Variants in RAI2 observed in about 807,000 individuals in gnomAD.
The protein encoded by RAI2 is retinoic acid-induced protein 2.
A neutral mutation model predicts 15.3 loss-of-function variants in RAI2; 5 were observed. That is an observed-to-expected ratio of 0.33 (90% CI 0.17 to 0.69). RAI2 has a LOEUF of 0.69. RAI2 is among the 30% of genes least tolerant of loss of function. RAI2 has a pLI of 0.69. For synonymous variants in RAI2, 191 were observed against 184.0 expected (o/e 1.04, Z -0.31); for missense variants, 424 against 424.7 (o/e 1.00, Z 0.01).
Position 17,801,709 on chromosome X carries a change from G to C in RAI2, c.302C>G (p.Ala101Gly). 1 of 1,211,966 alleles carries C rather than the reference G, an allele frequency of 8.3e-7. No individual in the cohort carries two copies. The highest frequency in any genetic ancestry group is 1.1e-6 in the Non-Finnish European group (1 of 895,563). ...ATTGCCATTCGGATTGAGCTCTGGT[G>C]CGGAGCTTCCCTCCACCTGCATGTG... ...PIHMQVEGSS[A>G]PELNPNGNAT... Residue 101 changes from alanine to glycine, a missense_variant, in exon 2 of 2, where the codon GCA becomes GGA. Coordinates refer to ENST00000451717, the MANE Select transcript of RAI2 (RefSeq NM_021785.6).
At chrX:17,806,030 G>A (rs776491088) in intron 1 of RAI2, among the ~76,000 whole-genome samples, 1 of 112,391 alleles carries the variant, frequency 8.9e-6, no homozygotes, top group South Asian at 3.8e-4. Flanking sequence ...GGTGGTCTGG[G>A]TGCATCCAGT....
chrX:17,850,363 A>G (rs960827194), intron 1 of RAI2, among the ~76,000 whole-genome samples: 2 of 112,069 alleles, frequency 1.8e-5, no homozygotes, highest in African/African-American at 6.5e-5. Flanking sequence ...ATGGCTGAGG[A>G]GAGGGTGAAG....
chrX:17,800,712 C>T lies in RAI2; in HGVS notation c.1299G>A (p.Glu433=), dbSNP rs752609585. The T allele has an allele frequency of 1.4e-5, 17 of 1,209,727 alleles. No homozygotes were observed. Among genetic ancestry groups the T allele is most frequent in the Non-Finnish European group, 1.8e-5 (16 of 895,242 alleles). ...AGACAATGACCTTGGCCGCCTGGGA[C>T]TCGCCCACCATCTCAATGTTATTTT... ...KAENNIEMVG[E]SQAAKVIVSV... is the part of the protein sequence containing the mutation. Residue 433 remains glutamate (E), a synonymous_variant, in exon 2 of 2, where the codon GAG becomes GAA. Coordinates refer to ENST00000451717, the MANE Select transcript of RAI2 (RefSeq NM_021785.6).
chrX:17,842,057 A>G (rs959369073), intron 1 of RAI2, among the ~76,000 whole-genome samples: 2 of 112,281 alleles, frequency 1.8e-5, no homozygotes, highest in Non-Finnish European at 3.8e-5. Flanking sequence ...GGCATCTTGC[A>G]TACTTGTCAC....
chrX:17,850,754 T>C (rs2067522480), intron 1 of RAI2, among the ~76,000 whole-genome samples: 1 of 112,330 alleles, frequency 8.9e-6, no homozygotes, highest in Non-Finnish European at 1.9e-5. Context: ...GGATCCAATA[T>C]GAGTTAGAAA....
chrX:17,814,026 C>T (rs2067078174), intron 1 of RAI2, among the ~76,000 whole-genome samples: 1 of 111,597 alleles, frequency 9.0e-6, no homozygotes, highest in African/African-American at 3.3e-5. Context: ...GCTTGGGCTC[C>T]CCCACAAACA....
At chrX:17,842,653 AG>A (rs1247411688) in intron 1 of RAI2, among the ~76,000 whole-genome samples, 1 of 102,837 alleles carries the variant, frequency 9.7e-6, no homozygotes, top group Non-Finnish European at 2.0e-5. Context: ...ATATATGTAT[AG>A]GAAAAAAAAA....
intron 1 of RAI2, among the ~76,000 whole-genome samples, chrX:17,825,999 T>A (rs904785795): frequency 1.4e-4 from 16 of 112,353 alleles, no homozygotes; most frequent in African/African-American, 5.2e-4. Flanking sequence ...GACTATTCCC[T>A]CCTTCTTTTA....
chrX:17,809,532 TTTTA>T (rs1479499074), intron 1 of RAI2, among the ~76,000 whole-genome samples: 2 of 112,215 alleles, frequency 1.8e-5, no homozygotes, highest in Admixed American at 9.4e-5. Context: ...AATTCCTGTT[TTTTA>T]TTTTATAGTG....
At chrX:17,841,473 T>C (rs1325547659) in intron 1 of RAI2, among the ~76,000 whole-genome samples, 2 of 112,442 alleles carry the variant, frequency 1.8e-5, no homozygotes, top group Non-Finnish European at 3.8e-5. Flanking sequence ...AACCAGTACT[T>C]ATATGTCTGT....
intron 1 of RAI2, among the ~76,000 whole-genome samples, chrX:17,859,402 C>A (rs892097609): frequency 8.9e-6 from 1 of 111,952 alleles, no homozygotes; most frequent in African/African-American, 3.3e-5. Context: ...TCCCTGCTGG[C>A]TGCTTTTCTC....
chrX:17,822,112 C>G (rs746481845), intron 1 of RAI2, among the ~76,000 whole-genome samples: 30 of 111,911 alleles, frequency 2.7e-4, no homozygotes, highest in African/African-American at 9.7e-4. Flanking sequence ...TCTTAGAAAT[C>G]TGAGTTGGGT....
intron 1 of RAI2, among the ~76,000 whole-genome samples, chrX:17,805,093 AG>A (rs2066962394): frequency 8.9e-6 from 1 of 112,673 alleles, no homozygotes; most frequent in African/African-American, 3.2e-5. Context: ...CTGATTCCAC[AG>A]GGAGATTAAA....
intron 1 of RAI2, among the ~76,000 whole-genome samples, chrX:17,825,849 A>G (rs894525663): frequency 8.0e-5 from 9 of 112,357 alleles, no homozygotes; most frequent in Admixed American, 7.5e-4. Flanking sequence ...TGGTGAAACC[A>G]TATGTTCTAA....
At chrX:17,845,074 T>C (rs1318488600) in intron 1 of RAI2, among the ~76,000 whole-genome samples, 6 of 112,322 alleles carry the variant, frequency 5.3e-5, no homozygotes. Flanking sequence ...GACAACCTTT[T>C]AAAAATGCTG....
chrX:17,842,479 A>T (rs2067409668), intron 1 of RAI2, among the ~76,000 whole-genome samples: 1 of 111,464 alleles, frequency 9.0e-6, no homozygotes, highest in Non-Finnish European at 1.9e-5. Flanking sequence ...TAAATATGCT[A>T]AAAATTTCTT....
chrX:17,848,703 T>G (rs925124613), intron 1 of RAI2, among the ~76,000 whole-genome samples: 1 of 111,006 alleles, frequency 9.0e-6, no homozygotes, highest in Non-Finnish European at 1.9e-5. Context: ...AAGAAATAAG[T>G]GTAGGGGCAT....
intron 1 of RAI2, among the ~76,000 whole-genome samples, chrX:17,860,319 C>T (rs1348962317): frequency 8.9e-6 from 1 of 112,879 alleles, no homozygotes; most frequent in East Asian, 2.8e-4. Context: ...ACAACCCCAA[C>T]CCCGAAAAAG....
intron 1 of RAI2, among the ~76,000 whole-genome samples, chrX:17,831,060 A>G (rs1487775322): frequency 8.9e-6 from 1 of 111,928 alleles, no homozygotes; most frequent in Non-Finnish European, 1.9e-5. Context: ...TTACACAAAC[A>G]TCACTGGCAC....
Sources: allele counts gnomAD v4.1 joint callset (sites outside exome capture counted in the v4.1 genomes callset), GRCh38; gene constraint gnomAD v4.1.1; transcripts MANE v1.5; gene names NCBI Gene and HGNC (gene_info 2026-07-23, HGNC 2026-07-21).